TLK1: variants seen among roughly 807,000 people sequenced by gnomAD.
The protein encoded by TLK1 is tousled like kinase 1, also known as serine/threonine-protein kinase tousled-like 1.
TLK1 carries 24 observed loss-of-function variants against 105.3 expected under a neutral mutation model. That is an observed-to-expected ratio of 0.23 (90% CI 0.17 to 0.32). TLK1 has a LOEUF of 0.32. Among genes scored for constraint, TLK1 ranks in the 10% least tolerant of loss-of-function variants. The pLI is 1.00. For synonymous variants in TLK1, 321 were observed against 310.4 expected, an observed-to-expected ratio of 1.03 and a Z score of -0.36; for missense variants, 558 against 910.5, an observed-to-expected ratio of 0.61 and a Z score of 4.98.
At chr2:171,140,800 A>C (rs1691542094) in intron 1 of TLK1, among the ~76,000 whole-genome samples, 1 of 152,252 alleles carries the variant, frequency 6.6e-6, no homozygotes, top group Non-Finnish European at 1.5e-5. Flanking sequence ...ATAAAATGCA[A>C]ATGAAACATG....
Position 171,207,022 on chromosome 2 carries a change from A to T in TLK1, c.-6+24123T>A, listed in dbSNP as rs368516656. Among the ~76,000 whole-genome samples the T allele has an allele frequency of 3.9e-5, 6 of 152,332 alleles. No homozygotes were observed. The South Asian group carries it at 1.0e-3, about 26-fold the overall frequency. ...TTATAAAATTAAACATACTCTTACC[A>T]TACAGTCTAGCAATCATGCTCCTTG... On this transcript the variant is annotated intron_variant, in intron 1 of 20. Transcript: ENST00000521943.
chr2:171,156,370 T>C (rs1692232594), intron 1 of TLK1, among the ~76,000 whole-genome samples: 1 of 152,210 alleles, frequency 6.6e-6, no homozygotes, highest in African/African-American at 2.4e-5. Context: ...TACAACACAG[T>C]TTAAATTAAT....
chr2:171,117,932 T>C (rs1042960579), intron 1 of TLK1, 75 bp from the exon 2 acceptor site: 123 of 999,792 alleles, frequency 1.2e-4, no homozygotes, highest in Non-Finnish European at 9.5e-5. Flanking sequence ...CAAATATATA[T>C]ATGTGATTAG....
intron 1 of TLK1, among the ~76,000 whole-genome samples, chr2:171,211,041 T>C (rs1693603835): frequency 6.6e-6 from 1 of 152,226 alleles, no homozygotes; most frequent in South Asian, 2.1e-4. Context: ...CTATGATCTT[T>C]GCGGTGACAT....
intron 1 of TLK1, among the ~76,000 whole-genome samples, chr2:171,159,421 G>A (rs955440072): frequency 6.6e-6 from 1 of 152,218 alleles, no homozygotes; most frequent in Non-Finnish European, 1.5e-5. Flanking sequence ...GCACGCCGGT[G>A]CCTTACAAGC....
At chr2:171,014,261 G>A (rs547514059) in intron 13 of TLK1, among the ~76,000 whole-genome samples, 3 of 152,072 alleles carry the variant, frequency 2.0e-5, no homozygotes, top group African/African-American at 4.8e-5. Context: ...AGAGGGAGGA[G>A]ACAAATAATA....
At chr2:170,998,778 A>C (rs1318159100) in intron 18 of TLK1, among the ~76,000 whole-genome samples, 1 of 151,958 alleles carries the variant, frequency 6.6e-6, no homozygotes, top group African/African-American at 2.4e-5. Context: ...TAAGTTCATA[A>C]TTTTTTTTGA....
At chr2:171,054,265 C>T (rs1287177420) in intron 7 of TLK1, 1 of 152,468 alleles carries the variant, frequency 6.6e-6, no homozygotes, top group African/African-American at 2.4e-5. Flanking sequence ...TAACACATAT[C>T]TTTTTTTTGT....
At chr2:171,038,230 A>T (rs1455346769) in intron 11 of TLK1, among the ~76,000 whole-genome samples, 1 of 152,122 alleles carries the variant, frequency 6.6e-6, no homozygotes, top group Non-Finnish European at 1.5e-5. Flanking sequence ...AAAATCAATC[A>T]TATCAATTGT....
At position 171,039,623 on chromosome 2, in the gene TLK1, A is replaced by G. The variant is rs78259813; in HGVS notation, c.1169+6551T>C. On this transcript the variant is annotated intron_variant, in intron 11 of 20. Coordinates refer to ENST00000431350, the MANE Select transcript of TLK1 (RefSeq NM_012290.5). ...CTGGCCTTCATGAACCTGTAGACTG[A>G]TCTTGTTCATCTGTTTTTGAAACAC... Among the ~76,000 whole-genome samples, 617 of 152,224 alleles carry G rather than the reference A, an allele frequency of 4.1e-3. 3 individuals carry two copies. Among genetic ancestry groups the G allele is most frequent in the African/African-American group, 0.013 (554 of 41,536 alleles).
chr2:171,007,021 G>C lies in TLK1; in HGVS notation c.1459C>G (p.His487Asp). ...TCTCTCCAGCTTTTATTAAGCTGAT[G>C]TATCTTCACAGCAGCATATCTTTGT... ...YEQRYAAVKIHQLNKSWRDEK... is the reference protein window; with the variant it reads ...YEQRYAAVKIDQLNKSWRDEK... Residue 487 changes from histidine (H) to aspartate (D), a missense_variant, in exon 15 of 21, where the codon CAT (histidine) becomes GAT (aspartate). Around this residue, in one of 5 missense-constraint regions of TLK1, gnomAD observed 218 missense variants for 492.9 expected, o/e 0.44. Coordinates refer to ENST00000431350, the MANE Select transcript of TLK1 (RefSeq NM_012290.5). 6.2e-7 allele frequency: 1 copy of C among 1,610,572 alleles called. No individual in the cohort carries two copies. Among genetic ancestry groups the C allele is most frequent in the East Asian group, 2.2e-5 (1 of 44,730 alleles).
At chr2:171,176,826 CTATT>C (rs1692838080) in intron 1 of TLK1, among the ~76,000 whole-genome samples, 1 of 151,770 alleles carries the variant, frequency 6.6e-6, no homozygotes, top group African/African-American at 2.4e-5. Context: ...CCTCATCGGC[CTATT>C]TTTTTTTTAA....
Position 171,062,987 on chromosome 2 carries a change from C to G in TLK1, c.331-1831G>C, listed in dbSNP as rs149417207. 4.8e-3 allele frequency among the ~76,000 whole-genome samples: 733 copies of G among 152,224 alleles called. 5 individuals carry two copies. The highest frequency in any genetic ancestry group is 0.016 in the African/African-American group (681 of 41,544). On this transcript the variant is annotated intron_variant, in intron 3 of 20. Transcript: ENST00000431350. ...AAAATTACCAAACTCAAACAATAAT[C>G]AATCTTCTGTTTTCCTAGAAATAAA...
chr2:170,993,857 T>G lies in TLK1; in HGVS notation c.2224A>C (p.Asn742His). 6.2e-7 allele frequency: 1 copy of G among 1,613,154 alleles called. No homozygotes were observed. The highest frequency in any genetic ancestry group is 2.2e-5 in the East Asian group (1 of 44,786). Reference protein sequence around the residue: ...PYLLPHMRRSNSSGNLHMAGL... With the variant: ...PYLLPHMRRSHSSGNLHMAGL... ...GCCATGTGTAGGTTTCCTGAAGAAT[T>G]TGATCTTCTCATGTGTGGGAGAAGG... is the stretch of plus-strand genomic sequence containing the variant. Residue 742 changes from asparagine to histidine, a missense_variant, in exon 21 of 21, where the codon AAT becomes CAT. Asn to His is a moderately conservative substitution (Grantham distance 68, BLOSUM62 1). Around this residue, in one of 5 missense-constraint regions of TLK1, gnomAD observed 218 missense variants for 492.9 expected, o/e 0.44. Transcript: ENST00000431350.
At chr2:171,166,872 A>G (rs188069680) in intron 1 of TLK1, among the ~76,000 whole-genome samples, 2 of 152,380 alleles carry the variant, frequency 1.3e-5, no homozygotes, top group Non-Finnish European at 2.9e-5. Flanking sequence ...GTATATTTGT[A>G]CAGTGGGATA....
intron 3 of TLK1, among the ~76,000 whole-genome samples, chr2:171,068,685 CT>C (rs1214305388): frequency 6.6e-6 from 1 of 152,300 alleles, no homozygotes; most frequent in East Asian, 1.9e-4. Flanking sequence ...AACAGTCTGT[CT>C]GTCTATCTAG....
chr2:171,038,464 C>T (rs1476311593), intron 11 of TLK1, among the ~76,000 whole-genome samples: 1 of 152,090 alleles, frequency 6.6e-6, no homozygotes, highest in Non-Finnish European at 1.5e-5. Flanking sequence ...ATAATTTTCT[C>T]TCGATACTCT....
At position 171,075,119 on chromosome 2, in the gene TLK1, C is replaced by T. The variant is rs1211589037; in HGVS notation, c.330+7662G>A. 2.0e-5 allele frequency among the ~76,000 whole-genome samples: 3 copies of T among 152,052 alleles called. No individual in the cohort carries two copies. In the East Asian group the frequency reaches 5.8e-4, roughly 29 times the overall value. On this transcript the variant is annotated intron_variant, in intron 3 of 20. Coordinates refer to ENST00000431350, the MANE Select transcript of TLK1 (RefSeq NM_012290.5). ...ACAAAACTTAAGGCCAGTATTACCTCTGTTTTCAAATAGAATCATAGCTAA... is the reference window on the plus strand; with the variant it reads ...ACAAAACTTAAGGCCAGTATTACCTTTGTTTTCAAATAGAATCATAGCTAA...
In TLK1 at chr2:171,128,357, A is replaced by T. The variant is rs549836137; in HGVS notation, c.140-10500T>A. ...GTGTAAAGTTTGGTCAAGTTCTTTA[A>T]TCTCTCTCTATTTTAGCTTCCTTAT... On this transcript the variant is annotated intron_variant, in intron 1 of 20. Coordinates refer to ENST00000431350, the MANE Select transcript of TLK1 (RefSeq NM_012290.5). Among the ~76,000 whole-genome samples the T allele has an allele frequency of 8.5e-5, 13 of 152,296 alleles. No individual in the cohort carries two copies. The South Asian group carries it at 1.2e-3, about 15-fold the overall frequency.
Sources: gnomAD v4.1 joint callset for allele counts (sites outside exome capture counted in the v4.1 genomes callset) on GRCh38, gnomAD v4.1.1 for gene constraint, gnomAD v4.1.1 regional missense constraint, MANE v1.5 for transcripts, NCBI Gene and HGNC (gene_info 2026-07-23, HGNC 2026-07-21) for gene names.